ADAM10: variants seen among roughly 807,000 people sequenced by gnomAD.
ADAM10 encodes disintegrin and metalloproteinase domain-containing protein 10.
ADAM10 carries 17 observed loss-of-function variants against 90.1 expected under a neutral mutation model. The ratio of observed to expected loss-of-function variants is 0.19; its 90% CI spans 0.13 to 0.28. The LOEUF (loss-of-function observed/expected upper bound fraction) is 0.28. ADAM10 is among the 10% of genes least tolerant of loss of function. The pLI, the probability that ADAM10 is intolerant of heterozygous loss-of-function variation, is 1.00. For missense variants in ADAM10, 610 were observed against 914.3 expected (o/e 0.67, Z 4.29); for synonymous variants, 310 against 298.6 (o/e 1.04, Z -0.40).
At chr15:58,600,166 G>C (rs778230303) in intron 14 of ADAM10, among the ~76,000 whole-genome samples, 3 of 152,046 alleles carry the variant, frequency 2.0e-5, no homozygotes, top group Non-Finnish European at 4.4e-5. Flanking sequence ...CCCTAACAAG[G>C]TTTGAGGAAG....
intron 2 of ADAM10, 27 bp downstream of exon 2, chr15:58,717,550 G>C (rs781404307): frequency 1.5e-5 from 25 of 1,613,286 alleles, no homozygotes; most frequent in Non-Finnish European, 2.1e-5. Context: ...AGGAACTTCA[G>C]ACACAGTCAG....
chr15:58,691,420 G>C (rs1192756979), intron 2 of ADAM10: 6 of 683,408 alleles, frequency 8.8e-6, no homozygotes, highest in African/African-American at 1.8e-5. Flanking sequence ...TTGGCTACCT[G>C]CTCTTTGCAC....
At chr15:58,666,738 A>C (rs1897090916) in intron 4 of ADAM10, among the ~76,000 whole-genome samples, 1 of 152,118 alleles carries the variant, frequency 6.6e-6, no homozygotes, top group South Asian at 2.1e-4. Context: ...TTAGTGTTTT[A>C]TTTCTTCGCA....
intron 10 of ADAM10, among the ~76,000 whole-genome samples, chr15:58,621,853 T>G (rs1387864518): frequency 6.6e-6 from 1 of 152,196 alleles, no homozygotes; most frequent in Non-Finnish European, 1.5e-5. Context: ...GTGAGAGGAT[T>G]TGACAGAGGG....
At chr15:58,662,203 A>C (rs1489830886) in intron 5 of ADAM10, among the ~76,000 whole-genome samples, 1 of 152,156 alleles carries the variant, frequency 6.6e-6, no homozygotes, top group African/African-American at 2.4e-5. Flanking sequence ...TCTCTGACAG[A>C]CAGCTAATTT....
At chr15:58,740,711 T>A (rs533960556) in intron 1 of ADAM10, among the ~76,000 whole-genome samples, 60 of 152,306 alleles carry the variant, frequency 3.9e-4, no homozygotes, top group African/African-American at 1.4e-3. Context: ...AGCCATTAAC[T>A]ATACATTAGT....
intron 1 of ADAM10, among the ~76,000 whole-genome samples, chr15:58,742,483 A>G (rs534477853): frequency 6.6e-6 from 1 of 152,344 alleles, no homozygotes; most frequent in South Asian, 2.1e-4. Flanking sequence ...ACTTATGATG[A>G]GTCAAGGAGC....
intron 10 of ADAM10, among the ~76,000 whole-genome samples, chr15:58,623,921 G>A (rs1424087817): frequency 6.7e-6 from 1 of 150,334 alleles, no homozygotes; most frequent in Non-Finnish European, 1.5e-5. Flanking sequence ...CATGGCACAC[G>A]TACACCTATG....
chr15:58,607,995 A>T lies in ADAM10; in HGVS notation c.2025+2302T>A, dbSNP rs138728948. ...TGCTCTTAAATGTTTCAAGAACTAGATGACTCTTTGATAAATCCAAAGGAT... is the reference window on the plus strand; with the variant it reads ...TGCTCTTAAATGTTTCAAGAACTAGTTGACTCTTTGATAAATCCAAAGGAT... On this transcript the variant is annotated intron_variant, in intron 14 of 15. Transcript: ENST00000260408. 7.6e-4 allele frequency among the ~76,000 whole-genome samples: 116 copies of T among 152,358 alleles called. 1 individual carries two copies. The highest frequency in any genetic ancestry group is 6.8e-3 in the Middle Eastern group (2 of 294).
At chr15:58,742,897 A>G (rs1243465022) in intron 1 of ADAM10, among the ~76,000 whole-genome samples, 1 of 152,186 alleles carries the variant, frequency 6.6e-6, no homozygotes, top group East Asian at 1.9e-4. Flanking sequence ...ATCTCTACAA[A>G]AAAATCAAAA....
At chr15:58,641,442 A>T (rs1896414176) in intron 7 of ADAM10, among the ~76,000 whole-genome samples, 1 of 152,220 alleles carries the variant, frequency 6.6e-6, no homozygotes, top group Admixed American at 6.5e-5. Context: ...TCAGCAGACA[A>T]ATCATTTTCC....
chr15:58,727,724 A>G (rs1230609709), intron 1 of ADAM10, among the ~76,000 whole-genome samples: 1 of 152,196 alleles, frequency 6.6e-6, no homozygotes, highest in Non-Finnish European at 1.5e-5. Context: ...AATATATAAC[A>G]TCCAAACCCT....
At chr15:58,748,901 A>AAT in intron 1 of ADAM10, 1 of 398,896 alleles carries the variant, frequency 2.5e-6, no homozygotes, top group Non-Finnish European at 4.4e-6. Flanking sequence ...CCCTCTGCAG[A>AAT]ATGGGGTCGG....
intron 6 of ADAM10, 129 bp from the exon 7 acceptor site, chr15:58,644,107 T>C: frequency 2.9e-6 from 2 of 697,606 alleles, no homozygotes; most frequent in Non-Finnish European, 5.0e-6. Context: ...CAACATTATA[T>C]ACTGGACATA....
At chr15:58,647,251 T>TTTTTC (rs1596025511) in intron 5 of ADAM10, among the ~76,000 whole-genome samples, 2 of 46,090 alleles carry the variant, frequency 4.3e-5, no homozygotes, top group East Asian at 1.5e-3. Flanking sequence ...ACTAAGTATT[T>TTTTTC]TTTTTTTTTT....
In ADAM10 at chr15:58,682,098, A is replaced by G; in HGVS notation, c.325+98T>C. On this transcript the variant is annotated intron_variant, in intron 3 of 15. Transcript: ENST00000260408. ...TATGAATTCAACCTCCTCTGGATTT[A>G]TAACCTTTTCTGAAATATTTGCTTA... The G allele has an allele frequency of 1.9e-6, 3 of 1,548,098 alleles. No individual in the cohort carries two copies. The South Asian group carries it at 3.5e-5, about 18-fold the overall frequency.
intron 2 of ADAM10, among the ~76,000 whole-genome samples, chr15:58,688,256 A>G (rs776079251): frequency 2.0e-5 from 3 of 152,124 alleles, no homozygotes; most frequent in Non-Finnish European, 4.4e-5. Flanking sequence ...AGGTGGGCAC[A>G]GTGGCTCACA....
chr15:58,654,360 TC>T (rs1896759012), intron 5 of ADAM10, among the ~76,000 whole-genome samples: 1 of 152,184 alleles, frequency 6.6e-6, no homozygotes, highest in African/African-American at 2.4e-5. Flanking sequence ...TTTTACTGTA[TC>T]CTACGCGTTG....
chr15:58,691,425 T>C (rs751675474), intron 2 of ADAM10: 25 of 676,532 alleles, frequency 3.7e-5, no homozygotes, highest in South Asian at 3.3e-4. Flanking sequence ...TACCTGCTCT[T>C]TGCACTCACC....
Sources: allele counts gnomAD v4.1 joint callset (sites outside exome capture counted in the v4.1 genomes callset), GRCh38; gene constraint gnomAD v4.1.1; transcripts MANE v1.5; gene names NCBI Gene and HGNC (gene_info 2026-07-23, HGNC 2026-07-21).